The following TMPRSS5 variants were observed in gnomAD, a reference collection of about 807,000 sequenced individuals.
TMPRSS5 encodes the protein transmembrane protease serine 5.
A neutral mutation model predicts 59.7 loss-of-function variants in TMPRSS5; 45 were observed. The observed-to-expected ratio is 0.75, with a 90% CI of 0.59 to 0.97. TMPRSS5 has a LOEUF of 0.97. Among genes scored for constraint, TMPRSS5 ranks in the 50% least tolerant of loss-of-function variants. The pLI is 0.00. For synonymous variants in TMPRSS5, 225 were observed against 232.0 expected, an observed-to-expected ratio of 0.97 and a Z score of 0.27; for missense variants, 585 against 596.7, an observed-to-expected ratio of 0.98 and a Z score of 0.20.
chr11:113,695,526 G>A lies in TMPRSS5; in HGVS notation c.579-83C>T. On this transcript the variant is annotated intron_variant, in intron 6 of 12. Transcript: ENST00000299882. ...ATCCAAGGACGTGAAGAATGGGGGA[G>A]GCTGGTGGGGGTGGTGGACAGTTCT... 9.3e-6 allele frequency: 13 copies of A among 1,398,976 alleles called. No homozygotes were observed. In the South Asian group the frequency reaches 1.4e-4, roughly 15 times the overall value. The allele number at this position is 1,398,976 out of a possible 1,614,324, so 86.7% of individuals were successfully genotyped here.
intron 6 of TMPRSS5, 96 bp from the exon 7 acceptor site, chr11:113,695,539 G>T (rs1240230573): frequency 8.0e-7 from 1 of 1,257,406 alleles, no homozygotes; most frequent in Middle Eastern, 1.9e-4. Flanking sequence ...TGGTGGGGGT[G>T]GTGGACAGTT....
Position 113,699,687 on chromosome 11 carries a change from TG to T in TMPRSS5, c.112del (p.Gln38ArgfsTer31). On this transcript the variant is annotated frameshift_variant, in exon 3 of 13. Coordinates refer to ENST00000299882, the MANE Select transcript of TMPRSS5 (RefSeq NM_030770.4). LOFTEE classifies it high-confidence loss of function. Reference protein sequence around the residue: ...EPGDQQHPISQAVCWRSMRRG... With the variant: ...EPGDQQHPISXAVCWRSMRRG... ...TCGCATGGAACGCCAGCACACTGCCTGAGAAACTGTGGGAAAGGGCAGAGGG... is the reference window on the plus strand; with the variant it reads ...TCGCATGGAACGCCAGCACACTGCCTAGAAACTGTGGGAAAGGGCAGAGGG... The T allele has an allele frequency of 6.4e-7, 1 of 1,568,818 alleles. No homozygotes were observed. The highest frequency in any genetic ancestry group is 8.6e-7 in the Non-Finnish European group (1 of 1,157,332).
chr11:113,693,599 C>T (rs1393976250), intron 8 of TMPRSS5: 1 of 182,554 alleles, frequency 5.5e-6, no homozygotes, highest in Non-Finnish European at 1.1e-5. Flanking sequence ...CATCTCTCAA[C>T]TTACTGTGTG....
chr11:113,705,066 C>T (rs904284946), intron 1 of TMPRSS5, among the ~76,000 whole-genome samples: 1 of 152,150 alleles, frequency 6.6e-6, no homozygotes, highest in African/African-American at 2.4e-5. Flanking sequence ...AAAACTGAAG[C>T]AACTCCCGTT....
Position 113,693,189 on chromosome 11 carries a change from G to T in TMPRSS5, c.846C>A (p.Ala282=). 1 of 1,600,588 alleles carries T rather than the reference G, an allele frequency of 6.2e-7. No individual in the cohort carries two copies. The highest frequency in any genetic ancestry group is 1.7e-5 in the Admixed American group (1 of 58,478). The part of the protein sequence containing the change: ...RVHAGLVSHS[A]VRPHQGALVE... The stretch of plus-strand genomic sequence containing the variant: ...CCAGAGCCCCTTGGTGGGGCCTGAC[G>T]GCACTGTGGCTGACCAGCCCCGCAT... Residue 282 remains alanine, a synonymous_variant, in exon 9 of 13, where the codon GCC becomes GCA. Coordinates refer to ENST00000299882, the MANE Select transcript of TMPRSS5 (RefSeq NM_030770.4).
rs1361070369 is a variant in TMPRSS5, at chr11:113,694,548, A to C, written c.715T>G (p.Phe239Val). The part of the protein sequence containing the change: ...WPWQASVALG[F>V]RHTCGGSVLA... ...ACAGAGCCCCCACACGTGTGCCGGA[A>C]GCCCAGGGCCACGCTGGCCTGCCAC... Residue 239 changes from phenylalanine (F) to valine (V), a missense_variant, in exon 8 of 13, where the codon TTC (phenylalanine) becomes GTC (valine). Phe to Val is a conservative substitution (Grantham distance 50). Transcript: ENST00000299882. The C allele has an allele frequency of 1.3e-6, 2 of 1,556,296 alleles. No individual in the cohort carries two copies. The highest frequency in any genetic ancestry group is 8.7e-7 in the Non-Finnish European group (1 of 1,150,028).
chr11:113,693,337 G>A (rs1952838879), intron 8 of TMPRSS5, 88 bp from the exon 9 acceptor site: 2 of 1,395,122 alleles, frequency 1.4e-6, no homozygotes, highest in Non-Finnish European at 1.9e-6. Flanking sequence ...GCTGGCCAGA[G>A]CAGCCATTGG....
At chr11:113,699,262 T>TCTCTCCCCCCCCC in intron 3 of TMPRSS5, among the ~76,000 whole-genome samples, 3 of 93,256 alleles carry the variant, frequency 3.2e-5, no homozygotes, top group African/African-American at 1.2e-4. Flanking sequence ...TCTCTCTCTC[T>TCTCTCCCCCCCCC]CTCTCTCTCC....
At chr11:113,689,175 T>C (rs1952687057) in intron 12 of TMPRSS5, among the ~76,000 whole-genome samples, 1 of 151,882 alleles carries the variant, frequency 6.6e-6, no homozygotes, top group South Asian at 2.1e-4. Context: ...CTGACCAACA[T>C]GGTGAAACCC....
At chr11:113,690,696 G>A (rs532948992) in intron 10 of TMPRSS5, 145 bp downstream of exon 10, 4 of 781,924 alleles carry the variant, frequency 5.1e-6, no homozygotes, top group Non-Finnish European at 8.2e-6. Flanking sequence ...GGGGAGACTG[G>A]AGACCCTAGG....
intron 6 of TMPRSS5, 106 bp downstream of exon 6, chr11:113,696,752 G>A (rs1038464174): frequency 1.4e-6 from 1 of 722,792 alleles, no homozygotes; most frequent in African/African-American, 1.8e-5. Context: ...TCCTATCATA[G>A]GCCACCAGTG....
intron 10 of TMPRSS5, 49 bp from the exon 11 acceptor site, chr11:113,690,422 C>T: frequency 3.2e-6 from 5 of 1,570,648 alleles, no homozygotes; most frequent in Non-Finnish European, 4.3e-6. Flanking sequence ...AAGGCCCAGG[C>T]AGGCAGAGCA....
chr11:113,690,180 T>TCCCCCCCCCCCCCCCCCCCCCCCCCCCC, intron 11 of TMPRSS5, 51 bp downstream of exon 11: 1 of 187,992 alleles, frequency 5.3e-6, no homozygotes, highest in Non-Finnish European at 8.9e-6. Context: ...CCCCCTGCCC[T>TCCCCCCCCCCCCCCCCCCCCCCCCCCCC]CCCACCCCCA....
Position 113,699,706 on chromosome 11 carries a change from G to C in TMPRSS5, c.107-13C>G, listed in dbSNP as rs776679839. The C allele has an allele frequency of 3.2e-6, 5 of 1,558,516 alleles. No individual in the cohort carries two copies. In the Admixed American group the frequency reaches 9.7e-5, roughly 30 times the overall value. On this transcript the variant is annotated splice_polypyrimidine_tract_variant and intron_variant, in intron 2 of 12. Coordinates refer to ENST00000299882, the MANE Select transcript of TMPRSS5 (RefSeq NM_030770.4). ...ACTGCCTGAGAAACTGTGGGAAAGG[G>C]CAGAGGGGTATCTGGGTCCCCTGCT...
In TMPRSS5 at chr11:113,690,853, G is replaced by C. The variant is rs1053987915; in HGVS notation, c.1051C>G (p.His351Asp). The part of the protein sequence containing the change: ...RCWVSGWGHT[H>D]PSHTYSSDML... ...GGAGCTGACTCACTATGGCTAGGGTGGGTGTGGCCCCAGCCAGACACCCAG... is the reference window on the plus strand; with the variant it reads ...GGAGCTGACTCACTATGGCTAGGGTCGGTGTGGCCCCAGCCAGACACCCAG... The change falls in exon 10 of 13, where the codon CAC becomes GAC. Residue 351 changes from histidine to aspartate, a missense_variant. By Grantham distance (81) the His-to-Asp change is moderately conservative. Transcript: ENST00000299882. 2.5e-6 allele frequency: 4 copies of C among 1,588,922 alleles called. No homozygotes were observed. Among genetic ancestry groups the C allele is most frequent in the Non-Finnish European group, 3.4e-6 (4 of 1,168,710 alleles).
chr11:113,699,253 CTCTCTCT>C lies in TMPRSS5; in HGVS notation c.206-233_206-227del, dbSNP rs1565263579. 6.3e-3 allele frequency among the ~76,000 whole-genome samples: 539 copies of C among 85,082 alleles called. 9 individuals are homozygous for C. The highest frequency in any genetic ancestry group is 0.011 in the East Asian group (31 of 2,698). 55.8% of individuals were successfully genotyped at this position (85,082 alleles called of 152,430 possible). ...TCTCTCTCTCTCTCTCTCTCTCTCTCTCTCTCTCTCTCTCTCTCCCTCTCTCTCTCTC... is the reference window on the plus strand; with the variant it reads ...TCTCTCTCTCTCTCTCTCTCTCTCTCCTCTCTCTCTCCCTCTCTCTCTCTC... On this transcript the variant is annotated intron_variant, in intron 3 of 12. Coordinates refer to ENST00000299882, the MANE Select transcript of TMPRSS5 (RefSeq NM_030770.4).
rs773660987 is a variant in TMPRSS5 at position 113,690,391 on chromosome 11, A to G, written c.1064-18T>C. The G allele has an allele frequency of 1.1e-5, 17 of 1,597,794 alleles. No individual in the cohort carries two copies. The African/African-American group carries it at 1.8e-4, about 17-fold the overall frequency. ...GCTGTAAGCTATGAGAGACACCGAG[A>G]AAAACTGCAGGGCACAAAGCAAGGC... On this transcript the variant is annotated intron_variant, in intron 10 of 12. Coordinates refer to ENST00000299882, the MANE Select transcript of TMPRSS5 (RefSeq NM_030770.4).
intron 6 of TMPRSS5, 122 bp downstream of exon 6, chr11:113,696,736 T>C (rs550972663): frequency 2.6e-4 from 172 of 654,262 alleles, no homozygotes; most frequent in African/African-American, 2.6e-3. Flanking sequence ...ATGTTCCTCT[T>C]TGTCCTCCTA....
chr11:113,690,180 T>TCCCCCCCCCCCCCCCCCCCCCCCCC, intron 11 of TMPRSS5, 51 bp downstream of exon 11: 1 of 187,990 alleles, frequency 5.3e-6, no homozygotes, highest in Non-Finnish European at 8.9e-6. Flanking sequence ...CCCCCTGCCC[T>TCCCCCCCCCCCCCCCCCCCCCCCCC]CCCACCCCCA....
Sources: allele counts gnomAD v4.1 joint callset (sites outside exome capture counted in the v4.1 genomes callset), GRCh38; gene constraint gnomAD v4.1.1; transcripts MANE v1.5; gene names NCBI Gene and HGNC (gene_info 2026-07-23, HGNC 2026-07-21).